The following SSBP1 variants were observed in gnomAD, a reference collection of about 807,000 sequenced individuals.
The protein encoded by SSBP1 is single-stranded DNA-binding protein, mitochondrial.
SSBP1 carries 20 observed loss-of-function variants against 27.0 expected under a neutral mutation model. That is an observed-to-expected ratio of 0.74 (90% confidence interval 0.52 to 1.08). The LOEUF is 1.08. SSBP1 is among the 50% of genes least tolerant of loss of function. SSBP1 has a pLI of 0.00. For synonymous variants in SSBP1, 59 were observed against 59.3 expected, an observed-to-expected ratio of 1.00 and a Z score of 0.02; for missense variants, 137 against 182.4, an observed-to-expected ratio of 0.75 and a Z score of 1.44.
chr7:141,739,095 T>G, intron 1 of SSBP1, 29 bp from the exon 2 acceptor site: 9 of 1,408,534 alleles, frequency 6.4e-6, no homozygotes, highest in Non-Finnish European at 8.7e-6. Context: ...GAGGTAATGT[T>G]TTTTTCTTAT....
At chr7:141,746,053 C>T (rs1799777169) in intron 6 of SSBP1, 4 of 860,004 alleles carry the variant, frequency 4.7e-6, no homozygotes, top group Non-Finnish European at 5.6e-6. Flanking sequence ...CAGAATCTCA[C>T]TCTGTCACCC....
At chr7:141,745,624 C>G (rs1313475510) in intron 6 of SSBP1, 40 bp downstream of exon 6, 1 of 1,610,386 alleles carries the variant, frequency 6.2e-7, no homozygotes, top group East Asian at 2.2e-5. Flanking sequence ...TTCTTTTTCT[C>G]CTTTTCTTTT....
At chr7:141,741,384 G>C (rs1274560220) in intron 2 of SSBP1, 1 of 152,246 alleles carries the variant, frequency 6.6e-6, no homozygotes. Context: ...GTTCCTAACA[G>C]GCCACAGAAC....
chr7:141,745,041 G>T (rs1219961083), intron 5 of SSBP1, among the ~76,000 whole-genome samples: 1 of 152,016 alleles, frequency 6.6e-6, no homozygotes, highest in Non-Finnish European at 1.5e-5. Context: ...TTAACTCAGG[G>T]TAATATTATA....
chr7:141,744,036 C>A, intron 5 of SSBP1, 47 bp downstream of exon 5: 1 of 1,545,580 alleles, frequency 6.5e-7, no homozygotes, highest in Non-Finnish European at 8.8e-7. Context: ...ATTTAAAGAA[C>A]CGATAAGAAG....
At chr7:141,739,060 C>G in intron 1 of SSBP1, 64 bp from the exon 2 acceptor site, 1 of 903,362 alleles carries the variant, frequency 1.1e-6, no homozygotes, top group Non-Finnish European at 1.6e-6. Flanking sequence ...GAATTTAGGA[C>G]TGGTGAGTTG....
chr7:141,741,412 C>T (rs1799524850), intron 2 of SSBP1: 1 of 152,244 alleles, frequency 6.6e-6, no homozygotes, highest in Non-Finnish European at 1.5e-5. Context: ...GTCCTCAGCC[C>T]TGGAGGTTGG....
chr7:141,747,868 C>A (rs141982469), intron 6 of SSBP1, among the ~76,000 whole-genome samples: 1 of 150,664 alleles, frequency 6.6e-6, no homozygotes. Flanking sequence ...TCTAGTAATG[C>A]GTGTCTGTAG....
intron 6 of SSBP1, among the ~76,000 whole-genome samples, chr7:141,749,062 A>G (rs1332985104): frequency 1.3e-5 from 2 of 152,214 alleles, no homozygotes; most frequent in African/African-American, 2.4e-5. Flanking sequence ...GCATCTGTGG[A>G]TTCAACCAAG....
chr7:141,749,738 C>T (rs892182835), intron 6 of SSBP1, among the ~76,000 whole-genome samples: 5 of 152,292 alleles, frequency 3.3e-5, no homozygotes, highest in African/African-American at 1.2e-4. Context: ...GCTGAGATTG[C>T]ACCACTTCAC....
chr7:141,749,901 T>A (rs1315420237), intron 6 of SSBP1, among the ~76,000 whole-genome samples: 1 of 152,262 alleles, frequency 6.6e-6, no homozygotes, highest in Non-Finnish European at 1.5e-5. Context: ...TATGGACTCT[T>A]ACTCTTTCCT....
At chr7:141,747,240 G>A (rs1041297814) in intron 6 of SSBP1, among the ~76,000 whole-genome samples, 4 of 152,032 alleles carry the variant, frequency 2.6e-5, no homozygotes, top group Non-Finnish European at 5.9e-5. Context: ...GCTAAAATTA[G>A]ACATTGTGAA....
rs377349432 is a variant in SSBP1 at position 141,744,540 on chromosome 7, T to C, written c.314+551T>C. Among the ~76,000 whole-genome samples, 5 of 152,316 alleles carry C rather than the reference T, an allele frequency of 3.3e-5. No individual in the cohort carries two copies. The East Asian group carries it at 7.7e-4, about 23-fold the overall frequency. On this transcript the variant is annotated intron_variant, in intron 5 of 6. Coordinates refer to ENST00000265304, the MANE Select transcript of SSBP1 (RefSeq NM_003143.3). ...ATAAAAAGTATGTTTTCCAAACTCA[T>C]AGAAGGACAAAACGGTGTGTGTAAC...
chr7:141,741,805 T>C lies in SSBP1; in HGVS notation c.25-364T>C, dbSNP rs924681092. ...CAGCAACTCTTAGGTACAGGTTGGA[T>C]TTACAAATATTATCATACTCTGTAA... is the stretch of plus-strand genomic sequence containing the variant. On this transcript the variant is annotated intron_variant, in intron 2 of 6. Transcript: ENST00000265304. 9 of 1,013,758 alleles carry C rather than the reference T, an allele frequency of 8.9e-6. No individual in the cohort carries two copies. In the African/African-American group the frequency reaches 1.5e-4, roughly 17 times the overall value. 62.8% of individuals were successfully genotyped at this position (1,013,758 alleles called of 1,614,324 possible).
chr7:141,747,995 CAAA>C (rs926171907), intron 6 of SSBP1, among the ~76,000 whole-genome samples: 16 of 56,020 alleles, frequency 2.9e-4, no homozygotes, highest in Non-Finnish European at 2.5e-4. Flanking sequence ...AAGACTCTCT[CAAA>C]AAAAAAAAAA....
chr7:141,745,738 G>T (rs1799758453), intron 6 of SSBP1, 154 bp downstream of exon 6: 1 of 1,370,060 alleles, frequency 7.3e-7, no homozygotes, highest in Admixed American at 3.1e-5. Context: ...TTCTCTACTT[G>T]CTAAGAGTTT....
At chr7:141,740,828 G>A (rs1799498844) in intron 2 of SSBP1, 1 of 152,096 alleles carries the variant, frequency 6.6e-6, no homozygotes, top group African/African-American at 2.4e-5. Flanking sequence ...TTTAATTTTT[G>A]CAATAGCCTT....
Position 141,750,446 on chromosome 7 carries a change from A to T in SSBP1, c.*92A>T. 9.5e-7 allele frequency: 1 copy of T among 1,056,670 alleles called. No homozygotes were observed. Among genetic ancestry groups the T allele is most frequent in the South Asian group, 1.7e-5 (1 of 60,158 alleles). 65.5% of individuals were successfully genotyped at this position (1,056,670 alleles called of 1,614,324 possible). ...GGCTTCCAAGGACAAGAATTAAAAT[A>T]CTCTTTTACGTAAAATGAGTAATAA... On this transcript the variant is annotated 3_prime_UTR_variant, in exon 7 of 7. Coordinates refer to ENST00000265304, the MANE Select transcript of SSBP1 (RefSeq NM_003143.3).
At chr7:141,748,021 T>A (rs1799847498) in intron 6 of SSBP1, among the ~76,000 whole-genome samples, 1 of 150,990 alleles carries the variant, frequency 6.6e-6, no homozygotes, top group Admixed American at 6.6e-5. Flanking sequence ...AAAAAAATTT[T>A]TTTTTTTTTA....
Sources: gnomAD v4.1 joint callset for allele counts (sites outside exome capture counted in the v4.1 genomes callset) on GRCh38, gnomAD v4.1.1 for gene constraint, MANE v1.5 for transcripts, NCBI Gene and HGNC (gene_info 2026-07-23, HGNC 2026-07-21) for gene names.